The following THSD7A variants were observed in gnomAD, a reference collection of about 807,000 sequenced individuals.
The protein encoded by THSD7A is thrombospondin type-1 domain-containing protein 7A.
A neutral mutation model predicts 231.3 loss-of-function variants in THSD7A; 96 were observed. That is an observed-to-expected ratio of 0.41 (90% CI 0.35 to 0.49). The LOEUF is 0.49. Among genes scored for constraint, THSD7A ranks in the 20% least tolerant of loss-of-function variants. The pLI, the probability that THSD7A is intolerant of heterozygous loss-of-function variation, is 0.05. For synonymous variants in THSD7A, 940 were observed against 743.3 expected, an observed-to-expected ratio of 1.26 and a Z score of -4.30; for missense variants, 2,290 against 2,070.2, an observed-to-expected ratio of 1.11 and a Z score of -2.06.
intron 1 of THSD7A, among the ~76,000 whole-genome samples, chr7:11,815,670 C>T (rs1202839343): frequency 1.3e-5 from 2 of 152,094 alleles, no homozygotes; most frequent in East Asian, 1.9e-4. Flanking sequence ...TTTAGATGAA[C>T]AATCATATAA....
At chr7:11,749,248 G>A (rs1782418781) in intron 1 of THSD7A, among the ~76,000 whole-genome samples, 1 of 151,908 alleles carries the variant, frequency 6.6e-6, no homozygotes, top group South Asian at 2.1e-4. Flanking sequence ...TCAGTCTTAT[G>A]TACAAACAAC....
rs1353291620 is a variant in THSD7A, at chr7:11,377,681, G to C, written c.4802-1024C>G. Among the ~76,000 whole-genome samples the C allele has an allele frequency of 1.3e-5, 2 of 151,970 alleles. No homozygotes were observed. Among genetic ancestry groups the C allele is most frequent in the Admixed American group, 1.3e-4 (2 of 15,222 alleles). On this transcript the variant is annotated intron_variant, in intron 26 of 27. Transcript: ENST00000423059. The surrounding 1 kb of genome is among the most constrained non-coding windows in gnomAD (Gnocchi z 4.5). The stretch of plus-strand genomic sequence containing the variant: ...ATTTTTTAAATTTGAGCTCAGTTTA[G>C]AATCAAAAGAGCTGTTCCACGATTG...
intron 4 of THSD7A, among the ~76,000 whole-genome samples, chr7:11,567,425 A>G (rs1004238293): frequency 2.0e-5 from 3 of 152,226 alleles, no homozygotes; most frequent in Non-Finnish European, 2.9e-5. Context: ...TCCTTCATAT[A>G]TGGAGATTAG....
At chr7:11,700,917 G>A (rs997544092) in intron 1 of THSD7A, among the ~76,000 whole-genome samples, 2 of 151,134 alleles carry the variant, frequency 1.3e-5, no homozygotes, top group South Asian at 4.2e-4. Context: ...CTTTGAATAG[G>A]TAATTTGGGA....
chr7:11,594,614 C>G (rs1194051244), intron 2 of THSD7A, among the ~76,000 whole-genome samples: 2 of 151,940 alleles, frequency 1.3e-5, no homozygotes, highest in Non-Finnish European at 2.9e-5. Flanking sequence ...TATGGAGAAC[C>G]AAGAAACATA....
Position 11,590,826 on chromosome 7 carries a change from C to T in THSD7A, c.1272-185G>A, listed in dbSNP as rs561904412. On this transcript the variant is annotated intron_variant, in intron 3 of 27. Coordinates refer to ENST00000423059, the MANE Select transcript of THSD7A (RefSeq NM_015204.3). This position sits in a 1 kb window ranked among gnomAD's most constrained non-coding sequence, Gnocchi z 4.4. Reference sequence around the variant, plus strand: ...TTATGCTCTGCAGTGCTCCATTTAACGAGGGGTTAAATTTAGGGTGATCCT... The same window carrying T: ...TTATGCTCTGCAGTGCTCCATTTAATGAGGGGTTAAATTTAGGGTGATCCT... 2.6e-5 allele frequency among the ~76,000 whole-genome samples: 4 copies of T among 152,200 alleles called. No homozygotes were observed. The South Asian group carries it at 8.3e-4, about 32-fold the overall frequency.
chr7:11,672,711 T>C (rs1375581939), intron 1 of THSD7A, among the ~76,000 whole-genome samples: 1 of 152,196 alleles, frequency 6.6e-6, no homozygotes, highest in African/African-American at 2.4e-5. Flanking sequence ...AAAGTTCTTA[T>C]ATACCTCACG....
At chr7:11,404,174 A>G (rs1783504725) in intron 22 of THSD7A, among the ~76,000 whole-genome samples, 1 of 152,174 alleles carries the variant, frequency 6.6e-6, no homozygotes, top group South Asian at 2.1e-4. Flanking sequence ...TAGATTAGCA[A>G]TTGTTCTTTC....
intron 1 of THSD7A, among the ~76,000 whole-genome samples, chr7:11,679,385 A>T (rs577497413): frequency 2.0e-5 from 3 of 152,274 alleles, no homozygotes; most frequent in African/African-American, 7.2e-5. Context: ...AAAGCATTCA[A>T]ATAGGAAAAT....
At chr7:11,421,415 G>C (rs76211968) in intron 16 of THSD7A, among the ~76,000 whole-genome samples, 11,725 of 151,476 alleles carry the variant, frequency 0.077, 458 homozygotes, top group Non-Finnish European at 0.09. Flanking sequence ...ATGATTGTAA[G>C]TTTCCTGAAG....
chr7:11,459,586 T>C (rs1785424321), intron 11 of THSD7A, among the ~76,000 whole-genome samples: 1 of 146,982 alleles, frequency 6.8e-6, no homozygotes, highest in East Asian at 2.1e-4. Context: ...CTACTGCAAC[T>C]AGCAATTTAA....
chr7:11,452,788 C>T (rs1785186744), intron 11 of THSD7A, among the ~76,000 whole-genome samples: 1 of 151,870 alleles, frequency 6.6e-6, no homozygotes, highest in Non-Finnish European at 1.5e-5. Flanking sequence ...TAAAACGAAA[C>T]CCAAAACCCC....
intron 4 of THSD7A, among the ~76,000 whole-genome samples, chr7:11,583,813 T>C (rs1268150986): frequency 6.6e-6 from 1 of 152,174 alleles, no homozygotes; most frequent in Admixed American, 6.5e-5. Context: ...TATAATTTCT[T>C]ATATTAATTT....
intron 1 of THSD7A, among the ~76,000 whole-genome samples, chr7:11,715,977 A>G (rs1173346432): frequency 3.3e-5 from 5 of 151,556 alleles, no homozygotes. Flanking sequence ...CCTTAGAGTG[A>G]TCTAAATTGA....
chr7:11,476,849 G>A (rs1786210908), intron 7 of THSD7A, among the ~76,000 whole-genome samples: 1 of 150,134 alleles, frequency 6.7e-6, no homozygotes, highest in African/African-American at 2.4e-5. Context: ...AGTGTAGAAA[G>A]CGATTATATA....
intron 2 of THSD7A, among the ~76,000 whole-genome samples, chr7:11,618,870 G>C (rs1781210669): frequency 6.6e-6 from 1 of 151,566 alleles, no homozygotes; most frequent in African/African-American, 2.4e-5. Context: ...TATGAATTTA[G>C]ATATATAATG....
chr7:11,752,829 G>A (rs991042524), intron 1 of THSD7A, among the ~76,000 whole-genome samples: 34 of 152,040 alleles, frequency 2.2e-4, no homozygotes, highest in African/African-American at 7.7e-4. Context: ...AAGAGGCTGA[G>A]TTGAGAGGAT....
intron 1 of THSD7A, among the ~76,000 whole-genome samples, chr7:11,652,168 T>C (rs1021934093): frequency 1.3e-5 from 2 of 151,854 alleles, no homozygotes; most frequent in Admixed American, 6.6e-5. Flanking sequence ...ATGCATATCA[T>C]AAACCACACC....
chr7:11,509,994 G>A (rs1000954077), intron 6 of THSD7A, among the ~76,000 whole-genome samples: 2 of 151,822 alleles, frequency 1.3e-5, no homozygotes, highest in African/African-American at 4.8e-5. Flanking sequence ...ATGTATACGT[G>A]TACCAAAATA....
Sources: allele counts gnomAD v4.1 joint callset (sites outside exome capture counted in the v4.1 genomes callset), GRCh38; gene constraint gnomAD v4.1.1; non-coding constraint Gnocchi (gnomAD v3.1); transcripts MANE v1.5; gene names NCBI Gene and HGNC (gene_info 2026-07-23, HGNC 2026-07-21).